Variants in RAB8A observed in about 807,000 individuals in gnomAD.
RAB8A encodes ras-related protein Rab-8A.
A neutral mutation model predicts 29.2 loss-of-function variants in RAB8A; 5 were observed. The observed-to-expected ratio is 0.17, with a 90% CI of 0.09 to 0.36. RAB8A has a LOEUF of 0.36. RAB8A is among the 10% of genes least tolerant of loss of function. The pLI is 1.00. For missense variants in RAB8A, 171 were observed against 272.2 expected (o/e 0.63, Z 2.62); for synonymous variants, 108 against 99.9 (o/e 1.08, Z -0.49).
In RAB8A at chr19:16,122,759, A is replaced by G. The variant is rs888102152; in HGVS notation, c.246+949A>G. Among the ~76,000 whole-genome samples the G allele has an allele frequency of 6.6e-6, 1 of 152,130 alleles. No homozygotes were observed. The highest frequency in any genetic ancestry group is 1.5e-5 in the Non-Finnish European group (1 of 68,016). Reference sequence around the variant, plus strand: ...AGGCATTATGTGTTTAGAGCATCCCACACGGCATCCGAAACCTCATGGCAA... The same window carrying G: ...AGGCATTATGTGTTTAGAGCATCCCGCACGGCATCCGAAACCTCATGGCAA... On this transcript the variant is annotated intron_variant, in intron 3 of 7. Transcript: ENST00000300935. This position sits in a 1 kb window ranked among gnomAD's most constrained non-coding sequence, Gnocchi z 4.7.
rs1401662990 is a variant in RAB8A, at chr19:16,132,366, C to T, written c.*62C>T. The T allele has an allele frequency of 1.3e-6, 2 of 1,525,310 alleles. No individual in the cohort carries two copies. Among genetic ancestry groups the T allele is most frequent in the South Asian group, 1.1e-5 (1 of 87,318 alleles). The allele number at this position is 1,525,310 out of a possible 1,614,324, so 94.5% of individuals were successfully genotyped here. ...CTGACTGTGCCTGTTCTGAGTGAGC[C>T]CCTCACTCAGCCGGGGCCCTCCCAC... On this transcript the variant is annotated 3_prime_UTR_variant, in exon 8 of 8. Coordinates refer to ENST00000300935, the MANE Select transcript of RAB8A (RefSeq NM_005370.5). The surrounding 1 kb of genome is among the most constrained non-coding windows in gnomAD (Gnocchi z 5.6).
intron 1 of RAB8A, 46 bp downstream of exon 1, chr19:16,112,071 G>T: frequency 1.2e-6 from 2 of 1,607,180 alleles, no homozygotes; most frequent in South Asian, 1.1e-5. Flanking sequence ...GCCCGGGCTG[G>T]GCGCGCCCCT....
chr19:16,116,986 T>C lies in RAB8A; in HGVS notation c.125-1240T>C, dbSNP rs964976364. 3.9e-5 allele frequency among the ~76,000 whole-genome samples: 6 copies of C among 152,042 alleles called. No individual in the cohort carries two copies. The East Asian group carries it at 1.2e-3, about 29-fold the overall frequency. On this transcript the variant is annotated intron_variant, in intron 1 of 7. Transcript: ENST00000300935. ...CTAATCAGCTTTCTGTTTCTATGAA[T>C]GAGCCTATGCTGGACATGTCTGTTA...
intron 6 of RAB8A, among the ~76,000 whole-genome samples, chr19:16,129,246 A>G (rs1266823940): frequency 6.6e-6 from 1 of 152,192 alleles, no homozygotes; most frequent in Admixed American, 6.5e-5. Context: ...TCTCTGGCCA[A>G]CTGAGTGTCG....
chr19:16,125,382 C>A lies in RAB8A; in HGVS notation c.247-88C>A. The A allele has an allele frequency of 1.4e-5, 16 of 1,170,694 alleles. No homozygotes were observed. Among genetic ancestry groups the A allele is most frequent in the Non-Finnish European group, 1.9e-5 (15 of 802,240 alleles). The allele number at this position is 1,170,694 out of a possible 1,614,324, so 72.5% of individuals were successfully genotyped here. ...GCCTGGCTGTGCAGTGGGTGCTGGG[C>A]TCCCCACCACTGTTCTCTGGTGCCG... is the stretch of plus-strand genomic sequence containing the variant. On this transcript the variant is annotated intron_variant, in intron 3 of 7. Coordinates refer to ENST00000300935, the MANE Select transcript of RAB8A (RefSeq NM_005370.5). The surrounding 1 kb of genome is among the most constrained non-coding windows in gnomAD (Gnocchi z 5.0).
rs1379858130 is a variant in RAB8A, at chr19:16,111,925, G to T, written c.24G>T (p.Leu8=). The T allele has an allele frequency of 6.2e-7, 1 of 1,613,940 alleles. No individual in the cohort carries two copies. The highest frequency in any genetic ancestry group is 8.5e-7 in the Non-Finnish European group (1 of 1,179,900). ...ATATGGCGAAGACCTACGATTACCT[G>T]TTCAAGCTGCTGCTGATCGGGGACT... MAKTYDY[L]FKLLLIGDSG... The change falls in exon 1 of 8, where the codon CTG becomes CTT. Residue 8 remains leucine, a synonymous_variant. Coordinates refer to ENST00000300935, the MANE Select transcript of RAB8A (RefSeq NM_005370.5).
chr19:16,112,131 G>A, intron 1 of RAB8A, 106 bp downstream of exon 1: 1 of 1,472,524 alleles, frequency 6.8e-7, no homozygotes, highest in Non-Finnish European at 9.2e-7. Flanking sequence ...CGAGGGCGCT[G>A]AGAGGGTCGA....
intron 7 of RAB8A, among the ~76,000 whole-genome samples, chr19:16,131,679 G>GTT: frequency 6.6e-6 from 1 of 151,762 alleles, no homozygotes; most frequent in East Asian, 1.9e-4. Flanking sequence ...TGGTTGGAAG[G>GTT]GGATGGATGG....
Position 16,125,837 on chromosome 19 carries a change from C to A in RAB8A, c.324+290C>A, listed in dbSNP as rs536729637. 1.3e-4 allele frequency: 70 copies of A among 529,142 alleles called. 1 individual carries two copies. Among genetic ancestry groups the A allele is most frequent in the South Asian group, 1.3e-3 (67 of 53,574 alleles). The allele number at this position is 529,142 out of a possible 1,614,324, so 32.8% of individuals were successfully genotyped here. On this transcript the variant is annotated intron_variant, in intron 4 of 7. Coordinates refer to ENST00000300935, the MANE Select transcript of RAB8A (RefSeq NM_005370.5). This position sits in a 1 kb window ranked among gnomAD's most constrained non-coding sequence, Gnocchi z 5.0. Reference sequence around the variant, plus strand: ...GAAAGGATATCCAAGCTTGTGGTCACCATGAGTGTTGGGTGCTTTCTAGAG... The same window carrying A: ...GAAAGGATATCCAAGCTTGTGGTCAACATGAGTGTTGGGTGCTTTCTAGAG...
intron 1 of RAB8A, among the ~76,000 whole-genome samples, chr19:16,113,373 C>G (rs963541236): frequency 1.3e-5 from 2 of 151,980 alleles, no homozygotes; most frequent in African/African-American, 4.8e-5. Flanking sequence ...CATTCTTGCC[C>G]TCCTCCAGGA....
intron 2 of RAB8A, among the ~76,000 whole-genome samples, chr19:16,118,941 A>G (rs80252938): frequency 0.014 from 2,149 of 152,334 alleles, 52 homozygotes; most frequent in African/African-American, 0.047. Context: ...GGTGGCGGGT[A>G]TAGTGGGGTC....
intron 2 of RAB8A, among the ~76,000 whole-genome samples, chr19:16,119,507 ACTGTTCACCT>A (rs1184877890): frequency 6.6e-6 from 1 of 151,800 alleles, no homozygotes; most frequent in East Asian, 2.0e-4. Context: ...GCCCGGCCCT[ACTGTTCACCT>A]CTTAATCTGA....
chr19:16,118,382 C>A, intron 2 of RAB8A, 96 bp downstream of exon 2: 1 of 1,173,818 alleles, frequency 8.5e-7, no homozygotes. Flanking sequence ...GTGACCTTGG[C>A]CTCCATTTCT....
Position 16,132,280 on chromosome 19 carries a change from C to G in RAB8A, c.600C>G (p.Ser200Arg), listed in dbSNP as rs1175467248. ...CACCGGACCAGCAGAAGAGGAGCAGCTTTTTCCGATGTGTTCTTCTGTGAG... is the reference window on the plus strand; with the variant it reads ...CACCGGACCAGCAGAAGAGGAGCAGGTTTTTCCGATGTGTTCTTCTGTGAG... ...KITPDQQKRS[S>R]FFRCVLL The change falls in exon 8 of 8, where the codon AGC becomes AGG. Residue 200 changes from serine (S) to arginine (R), a missense_variant. Ser to Arg is a moderately radical substitution (Grantham distance 110). Transcript: ENST00000300935. This position sits in a 1 kb window ranked among gnomAD's most constrained non-coding sequence, Gnocchi z 5.6. 1.2e-6 allele frequency: 2 copies of G among 1,613,930 alleles called. No individual in the cohort carries two copies. Among genetic ancestry groups the G allele is most frequent in the African/African-American group, 2.7e-5 (2 of 74,908 alleles).
chr19:16,133,395 G>A lies in RAB8A; in HGVS notation c.*1091G>A, dbSNP rs1403012904. The A allele has an allele frequency of 6.6e-6, 1 of 152,092 alleles. No individual in the cohort carries two copies. Among genetic ancestry groups the A allele is most frequent in the African/African-American group, 2.4e-5 (1 of 41,384 alleles). 9.4% of individuals were successfully genotyped at this position (152,092 alleles called of 1,614,324 possible). On this transcript the variant is annotated 3_prime_UTR_variant, in exon 8 of 8. Transcript: ENST00000300935. ...AGCTCTGCTGTCCCATAGGGACTGC[G>A]ACTGGGACCAGGTCAACCACGCCAG... is the stretch of plus-strand genomic sequence containing the variant.
In RAB8A at chr19:16,125,751, C is replaced by T; in HGVS notation, c.324+204C>T. On this transcript the variant is annotated intron_variant, in intron 4 of 7. Transcript: ENST00000300935. The surrounding 1 kb of genome is among the most constrained non-coding windows in gnomAD (Gnocchi z 5.0). ...ACACTGGCCTGGCCCCACCCCGGAG[C>T]CCCTCGGAGCCCATCCCTCCAGCTA... 1 of 679,488 alleles carries T rather than the reference C, an allele frequency of 1.5e-6. No individual in the cohort carries two copies. The highest frequency in any genetic ancestry group is 1.8e-5 in the African/African-American group (1 of 56,814). The allele number at this position is 679,488 out of a possible 1,614,324, so 42.1% of individuals were successfully genotyped here. A position where few individuals can be genotyped will look rare whatever the true frequency, so the allele number is the denominator to read the frequency against.
At chr19:16,118,086 C>T (rs539276004) in intron 1 of RAB8A, 140 bp from the exon 2 acceptor site, 3 of 674,644 alleles carry the variant, frequency 4.4e-6, no homozygotes, top group Middle Eastern at 2.5e-4. Flanking sequence ...CTGGATATTC[C>T]GACATCCTGC....
At position 16,122,897 on chromosome 19, in the gene RAB8A, G is replaced by A. The variant is rs774146550; in HGVS notation, c.246+1087G>A. ...GGGCAGGCGGCCTGAGGGCACTGGG[G>A]TCTTGGGGAGCTTCAGCCTCTGGAG... is the stretch of plus-strand genomic sequence containing the variant. On this transcript the variant is annotated intron_variant, in intron 3 of 7. Coordinates refer to ENST00000300935, the MANE Select transcript of RAB8A (RefSeq NM_005370.5). This position sits in a 1 kb window ranked among gnomAD's most constrained non-coding sequence, Gnocchi z 4.7. Among the ~76,000 whole-genome samples, 2 of 152,140 alleles carry A rather than the reference G, an allele frequency of 1.3e-5. No homozygotes were observed. Among genetic ancestry groups the A allele is most frequent in the Non-Finnish European group, 2.9e-5 (2 of 68,022 alleles).
chr19:16,120,830 C>T (rs1466792953), intron 2 of RAB8A, among the ~76,000 whole-genome samples: 4 of 151,986 alleles, frequency 2.6e-5, no homozygotes, highest in African/African-American at 9.7e-5. Flanking sequence ...AGGCCGGTCT[C>T]GAACTCCTGG....
Sources: gnomAD v4.1 joint callset for allele counts (sites outside exome capture counted in the v4.1 genomes callset) on GRCh38, gnomAD v4.1.1 for gene constraint, Gnocchi (gnomAD v3.1) non-coding constraint, MANE v1.5 for transcripts, NCBI Gene and HGNC (gene_info 2026-07-23, HGNC 2026-07-21) for gene names.